Variants in C12orf42 observed in about 807,000 individuals in gnomAD.
C12orf42 encodes the protein chromosome 12 open reading frame 42, also known as uncharacterized protein C12orf42.
A neutral mutation model predicts 21.6 loss-of-function variants in C12orf42; 25 were observed. The observed-to-expected ratio is 1.16, with a 90% CI of 0.84 to 1.62. The LOEUF is 1.62. Ranked by LOEUF, C12orf42 falls within the 40% of genes most tolerant of loss-of-function variation. C12orf42 has a pLI of 0.00. For missense variants in C12orf42, 483 were observed against 459.3 expected (o/e 1.05, Z -0.47); for synonymous variants, 174 against 175.0 (o/e 0.99, Z 0.05).
the C12orf42 span, among the ~76,000 whole-genome samples, chr12:103,058,060 A>C: frequency 6.6e-6 from 1 of 150,798 alleles, no homozygotes; most frequent in African/African-American, 2.4e-5. Context: ...TGTTCAAGCT[A>C]TTCTCCTGCC....
chr12:103,319,047 T>G (rs903468085), intron 4 of C12orf42, among the ~76,000 whole-genome samples: 1 of 152,226 alleles, frequency 6.6e-6, no homozygotes, highest in African/African-American at 2.4e-5. Context: ...TGAGGCTGTT[T>G]CCAAGTCTTT....
chr12:103,048,264 A>G, the C12orf42 span, among the ~76,000 whole-genome samples: 6 of 152,116 alleles, frequency 3.9e-5, no homozygotes, highest in Admixed American at 6.6e-5. Context: ...AAAACTACTC[A>G]CCTCTAACGG....
At chr12:103,537,083 A>G in the C12orf42 span, among the ~76,000 whole-genome samples, 1 of 150,568 alleles carries the variant, frequency 6.6e-6, no homozygotes, top group Non-Finnish European at 1.5e-5. Flanking sequence ...CTCAATTACT[A>G]TTTTCTGAAT....
rs74788227 is a variant in C12orf42, at chr12:103,312,838, T to C, written c.260-6493A>G. On this transcript the variant is annotated intron_variant, in intron 4 of 5. Transcript: ENST00000548883. ...TCTATTTTACAGAAACAACTTCTCA[T>C]TCCTTTTGAGCTGCAAAGCAGTTCA... Among the ~76,000 whole-genome samples the C allele has an allele frequency of 7.9e-3, 1,204 of 152,346 alleles. 16 individuals are homozygous for C. Among genetic ancestry groups the C allele is most frequent in the African/African-American group, 0.021 (862 of 41,580 alleles).
the C12orf42 span, among the ~76,000 whole-genome samples, chr12:103,065,642 G>A: frequency 6.6e-6 from 1 of 152,314 alleles, no homozygotes; most frequent in African/African-American, 2.4e-5. Flanking sequence ...GTGTGCCAGA[G>A]GATGGGAAAT....
intron 10 of C12orf42, among the ~76,000 whole-genome samples, chr12:103,256,052 C>CAAAAAA (rs1161719991): frequency 1.1e-4 from 2 of 17,534 alleles, no homozygotes; most frequent in Admixed American, 1.3e-3. Flanking sequence ...GACTCTGTCT[C>CAAAAAA]AAAAAAAAAA....
chr12:103,403,732 G>A (rs186815509), intron 2 of C12orf42, among the ~76,000 whole-genome samples: 23 of 152,294 alleles, frequency 1.5e-4, no homozygotes, highest in African/African-American at 3.6e-4. Context: ...GATAATTTGC[G>A]TCTCAGTTCT....
At chr12:103,367,446 A>T (rs1000398600) in intron 4 of C12orf42, among the ~76,000 whole-genome samples, 7 of 144,666 alleles carry the variant, frequency 4.8e-5, no homozygotes, top group Admixed American at 2.7e-4. Context: ...CTATGGAAAT[A>T]AAAAAAAAAA....
At chr12:103,231,868 G>A in the C12orf42 span, among the ~76,000 whole-genome samples, 3 of 152,146 alleles carry the variant, frequency 2.0e-5, no homozygotes, top group Admixed American at 2.0e-4. Flanking sequence ...AGTATTTTTA[G>A]TTTTGTAGAA....
intron 2 of C12orf42, among the ~76,000 whole-genome samples, chr12:103,405,581 C>T (rs958666574): frequency 1.3e-5 from 2 of 152,074 alleles, no homozygotes; most frequent in African/African-American, 4.8e-5. Flanking sequence ...AAATCGGGAG[C>T]TGTAGGCACT....
At chr12:103,256,082 A>T in intron 10 of C12orf42, among the ~76,000 whole-genome samples, 1 of 64,118 alleles carries the variant, frequency 1.6e-5, no homozygotes, top group Admixed American at 2.5e-4. Context: ...AAAAAAAAAA[A>T]AAAATATATA....
chr12:103,310,449 G>T (rs957207176), intron 4 of C12orf42, among the ~76,000 whole-genome samples: 1 of 152,138 alleles, frequency 6.6e-6, no homozygotes, highest in Non-Finnish European at 1.5e-5. Context: ...GTATTTTTAT[G>T]CATGTGAAAA....
chr12:103,540,494 C>T, the C12orf42 span, among the ~76,000 whole-genome samples: 1 of 152,106 alleles, frequency 6.6e-6, no homozygotes, highest in Non-Finnish European at 1.5e-5. Flanking sequence ...GGCGAATACA[C>T]CTTTAGAATG....
chr12:103,444,599 T>C (rs1306323755), intron 2 of C12orf42, among the ~76,000 whole-genome samples: 1 of 152,106 alleles, frequency 6.6e-6, no homozygotes, highest in Non-Finnish European at 1.5e-5. Flanking sequence ...GTTAGTTCTA[T>C]CTTCTGTGGC....
At chr12:103,456,169 A>T (rs1045290790) in intron 2 of C12orf42, 1 of 152,130 alleles carries the variant, frequency 6.6e-6, no homozygotes. Flanking sequence ...ATCCCGGGGC[A>T]ATTGCACTCA....
At chr12:103,526,157 T>C in the C12orf42 span, among the ~76,000 whole-genome samples, 2 of 152,238 alleles carry the variant, frequency 1.3e-5, no homozygotes, top group Admixed American at 6.5e-5. Context: ...TTATTCCCTT[T>C]AATCCTCAAG....
At chr12:103,177,417 G>A in the C12orf42 span, among the ~76,000 whole-genome samples, 1 of 152,168 alleles carries the variant, frequency 6.6e-6, no homozygotes, top group Non-Finnish European at 1.5e-5. Flanking sequence ...CTATTCCCTA[G>A]CCACTGCACT....
chr12:103,295,471 G>A (rs543684980), intron 4 of C12orf42, among the ~76,000 whole-genome samples: 9 of 151,752 alleles, frequency 5.9e-5, no homozygotes, highest in Non-Finnish European at 8.8e-5. Flanking sequence ...TAATCTTTGC[G>A]AGCATGAGTG....
intron 10 of C12orf42, among the ~76,000 whole-genome samples, chr12:103,251,713 C>A (rs1565995289): frequency 6.6e-6 from 1 of 152,230 alleles, no homozygotes; most frequent in African/African-American, 2.4e-5. Context: ...AAATCCTTCA[C>A]ATTTACAGTG....
Sources: gnomAD v4.1 joint callset for allele counts (sites outside exome capture counted in the v4.1 genomes callset) on GRCh38, gnomAD v4.1.1 for gene constraint, MANE v1.5 for transcripts, NCBI Gene and HGNC (gene_info 2026-07-23, HGNC 2026-07-21) for gene names.